UBR4: variants seen among roughly 807,000 people sequenced by gnomAD.
UBR4 encodes ubiquitin protein ligase E3 component n-recognin 4.
UBR4 carries 124 observed loss-of-function variants against 575.6 expected under a neutral mutation model. The ratio of observed to expected loss-of-function variants is 0.22; its 90% CI spans 0.19 to 0.25. The LOEUF (loss-of-function observed/expected upper bound fraction) is 0.25, where lower values mean the gene tolerates loss of function less well. Among genes scored for constraint, UBR4 ranks in the 10% least tolerant of loss-of-function variants. The pLI is 1.00. For synonymous variants in UBR4, 2,455 were observed against 2,473.7 expected (o/e 0.99, Z 0.22); for missense variants, 4,818 against 6,478.8 (o/e 0.74, Z 8.80).
At chr1:19,115,899 G>A (rs1283599363) in intron 73 of UBR4, among the ~76,000 whole-genome samples, 1 of 152,216 alleles carries the variant, frequency 6.6e-6, no homozygotes, top group Non-Finnish European at 1.5e-5. Context: ...AACAACAGAA[G>A]TATATAACAA....
chr1:19,093,458 T>C lies in UBR4; in HGVS notation c.13966A>G (p.Lys4656Glu). The change falls in exon 96 of 106, where the codon AAA becomes GAA. Residue 4656 changes from lysine to glutamate, a missense_variant. Lys to Glu is a moderately conservative substitution (Grantham distance 56, BLOSUM62 1). Coordinates refer to ENST00000375254, the MANE Select transcript of UBR4 (RefSeq NM_020765.3). This position sits in a 1 kb window ranked among gnomAD's most constrained non-coding sequence, Gnocchi z 4.8. ...KYDEDHSGDD[K>E]VFLDCFCKIA... is the part of the protein sequence containing the mutation. Reference sequence around the variant, plus strand: ...TTACAGAAGCAGTCCAGGAAGACTTTATCATCACCACTGTGATCTTCATCA... The same window carrying C: ...TTACAGAAGCAGTCCAGGAAGACTTCATCATCACCACTGTGATCTTCATCA... 6.2e-7 allele frequency: 1 copy of C among 1,614,224 alleles called. No homozygotes were observed. Among genetic ancestry groups the C allele is most frequent in the Non-Finnish European group, 8.5e-7 (1 of 1,180,036 alleles).
rs376726168 is a variant in UBR4 at position 19,186,642 on chromosome 1, G to A, written c.1648C>T (p.Arg550Trp). 1.4e-5 allele frequency: 22 copies of A among 1,613,844 alleles called. No individual in the cohort carries two copies. Among genetic ancestry groups the A allele is most frequent in the East Asian group, 2.2e-5 (1 of 44,888 alleles). Residue 550 changes from arginine (R) to tryptophan (W), a missense_variant, in exon 14 of 106, where the codon CGG becomes TGG. Arg to Trp is a moderately radical substitution (Grantham distance 101). This residue lies in a region of UBR4 where 162 missense variants were observed against 216.4 expected (regional missense o/e 0.75). Coordinates refer to ENST00000375254, the MANE Select transcript of UBR4 (RefSeq NM_020765.3). ...CTGCTCATGGAGCCCTTCCTCTGCC[G>A]CTGCAGGACACATGCCTAGGAAAAT... The part of the protein sequence containing the change: ...TSYRKACVLQ[R>W]QRKGSMSSDA...
intron 65 of UBR4, among the ~76,000 whole-genome samples, chr1:19,123,481 A>G (rs1241047467): frequency 1.3e-5 from 2 of 149,436 alleles, no homozygotes; most frequent in Admixed American, 6.7e-5. Context: ...AAGGCTGGGG[A>G]GAAACACAAA....
Position 19,121,186 on chromosome 1 carries a change from T to G in UBR4, c.10141+3A>C. The G allele has an allele frequency of 6.2e-7, 1 of 1,613,514 alleles. No homozygotes were observed. Among genetic ancestry groups the G allele is most frequent in the Non-Finnish European group, 8.5e-7 (1 of 1,179,798 alleles). On this transcript the variant is annotated splice_donor_region_variant and intron_variant, in intron 68 of 105. Transcript: ENST00000375254. ...GTCACAATGACAAGAGGGTGACCCT[T>G]ACCATCTTTCTCCTTTTCTTTTTCT...
Position 19,128,892 on chromosome 1 carries a change from T to C in UBR4, c.9003+86A>G, listed in dbSNP as rs1432629804. 2.4e-6 allele frequency: 3 copies of C among 1,266,902 alleles called. No individual in the cohort carries two copies. In the East Asian group the frequency reaches 6.9e-5, roughly 29 times the overall value. 78.5% of individuals were successfully genotyped at this position (1,266,902 alleles called of 1,614,324 possible). A position where few individuals can be genotyped will look rare whatever the true frequency, so the allele number is the denominator to read the frequency against. ...TGTGGCCTAACACCAAACGAAGGCTTCCAGGTCCTCTGGAAGAGAGATGTG... is the reference window on the plus strand; with the variant it reads ...TGTGGCCTAACACCAAACGAAGGCTCCCAGGTCCTCTGGAAGAGAGATGTG... On this transcript the variant is annotated intron_variant, in intron 61 of 105. Coordinates refer to ENST00000375254, the MANE Select transcript of UBR4 (RefSeq NM_020765.3).
chr1:19,188,324 T>G (rs1357516640), intron 11 of UBR4, among the ~76,000 whole-genome samples: 4 of 150,644 alleles, frequency 2.7e-5, no homozygotes, highest in Non-Finnish European at 5.9e-5. Context: ...GAGGCCAAGG[T>G]GGGAAGATCA....
rs757586543 is a variant in UBR4, at chr1:19,177,578, C to T, written c.2520G>A (p.Leu840=). 6.2e-7 allele frequency: 1 copy of T among 1,613,778 alleles called. No homozygotes were observed. Among genetic ancestry groups the T allele is most frequent in the Non-Finnish European group, 8.5e-7 (1 of 1,179,952 alleles). Residue 840 remains leucine, a synonymous_variant, in exon 19 of 106, where the codon TTG becomes TTA. Transcript: ENST00000375254. ...LSLFVQIIQE[L]SVNMDAQMRF... ...GCATCTGAGCATCCATGTTGACGCT[C>T]AACTCCTGGATGATCTGGACAAAAA...
intron 61 of UBR4, among the ~76,000 whole-genome samples, chr1:19,128,672 A>G (rs1341641143): frequency 1.3e-5 from 2 of 152,240 alleles, no homozygotes; most frequent in Non-Finnish European, 2.9e-5. Context: ...TGAGTGGAAG[A>G]ACAGCTATTG....
Position 19,093,576 on chromosome 1 carries a change from T to C in UBR4, c.13938-90A>G, listed in dbSNP as rs1460041326. ...TTGGTTAACAACTGTCAACAGCCTA[T>C]AGAAGATCAAGGCTAAATTCCCTAA... On this transcript the variant is annotated intron_variant, in intron 95 of 105. Transcript: ENST00000375254. The surrounding 1 kb of genome is among the most constrained non-coding windows in gnomAD (Gnocchi z 4.8). The C allele has an allele frequency of 1.0e-5, 14 of 1,403,582 alleles. No homozygotes were observed. The African/African-American group carries it at 1.0e-4, about 10-fold the overall frequency. The allele number at this position is 1,403,582 out of a possible 1,614,324, so 86.9% of individuals were successfully genotyped here. A position where few individuals can be genotyped will look rare whatever the true frequency, so the allele number is the denominator to read the frequency against.
At chr1:19,080,525 T>C (rs2076384086) in intron 103 of UBR4, 1 of 152,184 alleles carries the variant, frequency 6.6e-6, no homozygotes. Flanking sequence ...ATCCCTCGAA[T>C]CCTGGGCTAA....
At chr1:19,143,583 G>C (rs998883389) in intron 55 of UBR4, among the ~76,000 whole-genome samples, 1 of 152,192 alleles carries the variant, frequency 6.6e-6, no homozygotes, top group Non-Finnish European at 1.5e-5. Flanking sequence ...GACATTTAAT[G>C]AAGAGCTTCT....
rs563287199 is a variant in UBR4 at position 19,139,253 on chromosome 1, AAAACAAACAAAC to A, written c.8594-45_8594-34del. On this transcript the variant is annotated intron_variant, in intron 58 of 105. Coordinates refer to ENST00000375254, the MANE Select transcript of UBR4 (RefSeq NM_020765.3). This position sits in a 1 kb window ranked among gnomAD's most constrained non-coding sequence, Gnocchi z 4.2. ...AGTAACGAGAGCTGTTACAGGTTAAAAAACAAACAAACAAACAAACAAACAAAAAACAAAAAA... is the reference window on the plus strand; with the variant it reads ...AGTAACGAGAGCTGTTACAGGTTAAAAAACAAACAAACAAAAAACAAAAAA... The A allele has an allele frequency of 9.0e-6, 14 of 1,551,074 alleles. No homozygotes were observed. The highest frequency in any genetic ancestry group is 1.2e-5 in the Non-Finnish European group (14 of 1,148,582).
chr1:19,081,393 C>T lies in UBR4; in HGVS notation c.15189G>A (p.Leu5063=). The T allele has an allele frequency of 6.2e-7, 1 of 1,613,170 alleles. No homozygotes were observed. The highest frequency in any genetic ancestry group is 1.1e-5 in the South Asian group (1 of 91,002). ...ATRVEILRRL[L]VTSQARAVAP... ...CCACTGCCCGAGCCTGCGAGGTCACCAACAGCCTCCGCAAGATTTCCACAC... is the reference window on the plus strand; with the variant it reads ...CCACTGCCCGAGCCTGCGAGGTCACTAACAGCCTCCGCAAGATTTCCACAC... The change falls in exon 103 of 106, where the codon TTG becomes TTA. Residue 5063 remains leucine, a synonymous_variant. Coordinates refer to ENST00000375254, the MANE Select transcript of UBR4 (RefSeq NM_020765.3).
chr1:19,153,550 C>T lies in UBR4; in HGVS notation c.6631-48G>A, dbSNP rs1410243580. ...GGTCTTCGTTCCCACACCCACAGAT[C>T]AGCATCCTCACAGAAAAAGAGGCAG... On this transcript the variant is annotated intron_variant, in intron 45 of 105. Coordinates refer to ENST00000375254, the MANE Select transcript of UBR4 (RefSeq NM_020765.3). The surrounding 1 kb of genome is among the most constrained non-coding windows in gnomAD (Gnocchi z 4.1). 23 of 1,600,970 alleles carry T rather than the reference C, an allele frequency of 1.4e-5. No individual in the cohort carries two copies. The highest frequency in any genetic ancestry group is 4.0e-5 in the African/African-American group (3 of 74,656).
At position 19,155,039 on chromosome 1, in the gene UBR4, C is replaced by T. The variant is rs778713424; in HGVS notation, c.6337G>A (p.Val2113Met). Residue 2113 changes from valine (V) to methionine (M), a missense_variant, in exon 44 of 106, where the codon GTG becomes ATG. Coordinates refer to ENST00000375254, the MANE Select transcript of UBR4 (RefSeq NM_020765.3). ...ATCTGCAACACGTGGGAGTAGTACA[C>T]GGACACACCACCGCCCGCCACCTGG... Reference protein sequence around the residue: ...NSQVAGGGVSVYYSHVLQMLF... With the variant: ...NSQVAGGGVSMYYSHVLQMLF... 2.8e-5 allele frequency: 45 copies of T among 1,613,950 alleles called. No individual in the cohort carries two copies. Among genetic ancestry groups the T allele is most frequent in the Non-Finnish European group, 3.6e-5 (43 of 1,180,000 alleles).
rs766411507 is a variant in UBR4 at position 19,163,821 on chromosome 1, T to C, written c.4707A>G (p.Lys1569=). The change falls in exon 34 of 106, where the codon AAA becomes AAG. Residue 1569 remains lysine (K), a synonymous_variant. Coordinates refer to ENST00000375254, the MANE Select transcript of UBR4 (RefSeq NM_020765.3). ...CAACTACATTCTTCTGTGACAGGTATTTCTTGCTGTCCCAAAGAAAAAAAA... is the reference window on the plus strand; with the variant it reads ...CAACTACATTCTTCTGTGACAGGTACTTCTTGCTGTCCCAAAGAAAAAAAA... ...AAVDWLSRCK[K]YLSQKNVVEK... 95 of 1,614,092 alleles carry C rather than the reference T, an allele frequency of 5.9e-5. 1 individual carries two copies. In the Middle Eastern group the frequency reaches 5.9e-3, roughly 101 times the overall value.
At chr1:19,140,921 C>T in intron 57 of UBR4, 29 bp from the exon 58 acceptor site, 1 of 1,578,754 alleles carries the variant, frequency 6.3e-7, no homozygotes, top group Non-Finnish European at 8.6e-7. Flanking sequence ...GTGAGCACAA[C>T]ATCCCCTCCA....
chr1:19,165,512 G>A, intron 30 of UBR4, 144 bp downstream of exon 30: 1 of 1,047,114 alleles, frequency 9.6e-7, no homozygotes, highest in Non-Finnish European at 1.4e-6. Flanking sequence ...ACCCCAAGGA[G>A]TCAGCAATTA....
In UBR4 at chr1:19,104,289, CT is replaced by C. The variant is rs775553737; in HGVS notation, c.12728-33del. On this transcript the variant is annotated intron_variant, in intron 86 of 105. Transcript: ENST00000375254. ...AGACAGGAAAATGTTGCTGTGAGAG[CT>C]CTGGATGAAAACATAAGGACAGTCT... 105 of 1,610,116 alleles carry C rather than the reference CT, an allele frequency of 6.5e-5. No individual in the cohort carries two copies. In the Admixed American group the frequency reaches 7.2e-4, roughly 11 times the overall value.
Sources: allele counts gnomAD v4.1 joint callset (sites outside exome capture counted in the v4.1 genomes callset), GRCh38; gene constraint gnomAD v4.1.1; regional missense constraint gnomAD v4.1.1; non-coding constraint Gnocchi (gnomAD v3.1); transcripts MANE v1.5; gene names NCBI Gene and HGNC (gene_info 2026-07-23, HGNC 2026-07-21).